Variants in LRP1B observed in about 807,000 individuals in gnomAD.
The protein encoded by LRP1B is LDL receptor related protein 1B, also known as low-density lipoprotein receptor-related protein 1B.
LRP1B carries 217 observed loss-of-function variants against 556.6 expected under a neutral mutation model. The observed-to-expected ratio is 0.39, with a 90% confidence interval of 0.35 to 0.44. The LOEUF (loss-of-function observed/expected upper bound fraction) is 0.44, where lower values mean the gene tolerates loss of function less well. LRP1B is among the 20% of genes least tolerant of loss of function. The probability of loss-of-function intolerance (pLI) is 1.00; values close to 1 mark genes in which losing one functional copy is unlikely to be tolerated. For synonymous variants in LRP1B, 2,047 were observed against 1,865.8 expected, an observed-to-expected ratio of 1.10 and a Z score of -2.50; for missense variants, 5,053 against 5,620.8, an observed-to-expected ratio of 0.90 and a Z score of 3.23.
intron 1 of LRP1B, among the ~76,000 whole-genome samples, chr2:142,081,298 A>T (rs1253090194): frequency 6.6e-6 from 1 of 152,204 alleles, no homozygotes; most frequent in South Asian, 2.1e-4. Context: ...GTAATGTAAT[A>T]TAAATAATAA....
intron 15 of LRP1B, among the ~76,000 whole-genome samples, chr2:140,995,310 A>G (rs1697211832): frequency 6.6e-6 from 1 of 152,062 alleles, no homozygotes; most frequent in Non-Finnish European, 1.5e-5. Flanking sequence ...AAGATCATCT[A>G]GTCTGTGGGT....
chr2:141,833,052 T>C (rs1251840352), intron 1 of LRP1B, among the ~76,000 whole-genome samples: 1 of 151,792 alleles, frequency 6.6e-6, no homozygotes, highest in Non-Finnish European at 1.5e-5. Flanking sequence ...ATATGATATT[T>C]GGAAATAAAA....
chr2:141,299,979 T>C (rs780962267), intron 3 of LRP1B, among the ~76,000 whole-genome samples: 4 of 152,156 alleles, frequency 2.6e-5, no homozygotes, highest in Non-Finnish European at 5.9e-5. Flanking sequence ...CTTTGGGGGA[T>C]AATTTATGTC....
intron 5 of LRP1B, among the ~76,000 whole-genome samples, chr2:141,246,974 GA>G (rs1042655743): frequency 6.6e-6 from 1 of 150,842 alleles, no homozygotes; most frequent in Admixed American, 6.6e-5. Flanking sequence ...CCATCTCAAA[GA>G]AAAAAAAGAA....
At chr2:141,043,468 A>G (rs888905061) in intron 11 of LRP1B, among the ~76,000 whole-genome samples, 1 of 151,852 alleles carries the variant, frequency 6.6e-6, no homozygotes, top group Non-Finnish European at 1.5e-5. Context: ...AGTTTGGTAA[A>G]GAAAGCCTTT....
chr2:141,096,018 T>C (rs1285913606), intron 7 of LRP1B, among the ~76,000 whole-genome samples: 1 of 152,104 alleles, frequency 6.6e-6, no homozygotes, highest in African/African-American at 2.4e-5. Flanking sequence ...TATATATTCA[T>C]ATATATCATA....
intron 14 of LRP1B, among the ~76,000 whole-genome samples, chr2:141,009,454 C>T (rs1213151790): frequency 6.6e-6 from 1 of 151,838 alleles, no homozygotes; most frequent in African/African-American, 2.4e-5. Flanking sequence ...ATTTGACATG[C>T]TTTGAAGCCA....
intron 1 of LRP1B, among the ~76,000 whole-genome samples, chr2:141,835,257 A>G (rs768252391): frequency 6.6e-6 from 1 of 151,998 alleles, no homozygotes; most frequent in African/African-American, 2.4e-5. Flanking sequence ...CTCATCTTTT[A>G]TAGGTCCAGG....
intron 2 of LRP1B, among the ~76,000 whole-genome samples, chr2:141,528,257 C>T (rs977350646): frequency 6.6e-6 from 1 of 151,744 alleles, no homozygotes; most frequent in Non-Finnish European, 1.5e-5. Flanking sequence ...TTAAGTATAT[C>T]TTATAATACC....
intron 41 of LRP1B, among the ~76,000 whole-genome samples, chr2:140,674,251 A>G (rs1016107684): frequency 6.6e-6 from 1 of 151,990 alleles, no homozygotes; most frequent in African/African-American, 2.4e-5. Flanking sequence ...CCTGAAATAT[A>G]TTTCTTTGAC....
chr2:140,863,630 C>A, intron 27 of LRP1B, among the ~76,000 whole-genome samples: 1 of 152,110 alleles, frequency 6.6e-6, no homozygotes, highest in East Asian at 1.9e-4. Context: ...CTTCGATCTG[C>A]AAATGTGAAA....
chr2:141,479,408 G>A (rs1242462961), intron 3 of LRP1B, among the ~76,000 whole-genome samples: 3 of 152,106 alleles, frequency 2.0e-5, no homozygotes, highest in Non-Finnish European at 4.4e-5. Context: ...AATTTCTGGT[G>A]ACCTGGGACC....
intron 1 of LRP1B, among the ~76,000 whole-genome samples, chr2:141,841,878 T>C (rs1428189177): frequency 6.6e-6 from 1 of 152,182 alleles, no homozygotes; most frequent in Non-Finnish European, 1.5e-5. Context: ...GATATGTTTG[T>C]GAAACAACCA....
At chr2:140,655,226 TA>T (rs1234340591) in intron 41 of LRP1B, among the ~76,000 whole-genome samples, 1 of 152,178 alleles carries the variant, frequency 6.6e-6, no homozygotes, top group South Asian at 2.1e-4. Context: ...ACAAGCTTTT[TA>T]AAAATTTATT....
chr2:141,235,485 T>C (rs893738681), intron 5 of LRP1B, among the ~76,000 whole-genome samples: 1 of 152,074 alleles, frequency 6.6e-6, no homozygotes, highest in Non-Finnish European at 1.5e-5. Context: ...TTCCTGATGG[T>C]GTTGGTATTC....
intron 7 of LRP1B, among the ~76,000 whole-genome samples, chr2:141,111,838 G>T (rs1267366040): frequency 6.6e-6 from 1 of 151,960 alleles, no homozygotes; most frequent in Non-Finnish European, 1.5e-5. Context: ...ATCACAAGGA[G>T]ATCGAGACCA....
chr2:140,235,935 T>C (rs1439184397), intron 89 of LRP1B, among the ~76,000 whole-genome samples: 2 of 151,022 alleles, frequency 1.3e-5, no homozygotes, highest in East Asian at 2.0e-4. Flanking sequence ...TATTTGTCTT[T>C]CTCCTTCATA....
chr2:141,202,112 C>G (rs775480585), intron 6 of LRP1B, among the ~76,000 whole-genome samples: 4 of 152,174 alleles, frequency 2.6e-5, no homozygotes, highest in Non-Finnish European at 5.9e-5. Flanking sequence ...TGCTCTCCCC[C>G]ACACCCATCC....
chr2:141,603,027 A>C (rs62166495), intron 2 of LRP1B, among the ~76,000 whole-genome samples: 3,575 of 152,298 alleles, frequency 0.023, 101 homozygotes, highest in East Asian at 0.13. Context: ...ATATTCCAGA[A>C]AAGTAATGTT....
Sources: allele counts gnomAD v4.1 joint callset (sites outside exome capture counted in the v4.1 genomes callset), GRCh38; gene constraint gnomAD v4.1.1; transcripts MANE v1.5; gene names NCBI Gene and HGNC (gene_info 2026-07-23, HGNC 2026-07-21).